RAB3GAP1: variants seen among roughly 807,000 people sequenced by gnomAD.
The protein encoded by RAB3GAP1 is RAB3 GTPase activating protein catalytic subunit 1.
RAB3GAP1 carries 86 observed loss-of-function variants against 130.7 expected under a neutral mutation model. The ratio of observed to expected loss-of-function variants is 0.66; its 90% CI spans 0.55 to 0.79. The LOEUF (loss-of-function observed/expected upper bound fraction) is 0.79. Ranked by LOEUF, RAB3GAP1 falls within the 30% of genes least tolerant of loss-of-function variation. RAB3GAP1 has a pLI of 0.00. For missense variants in RAB3GAP1, 1,029 were observed against 1,169.4 expected, an observed-to-expected ratio of 0.88 and a Z score of 1.75; for synonymous variants, 367 against 401.7, an observed-to-expected ratio of 0.91 and a Z score of 1.03.
chr2:135,162,548 C>G lies in RAB3GAP1; in HGVS notation c.2290-7C>G, dbSNP rs1413349891. The G allele has an allele frequency of 1.2e-6, 2 of 1,608,238 alleles. No individual in the cohort carries two copies. Among genetic ancestry groups the G allele is most frequent in the Non-Finnish European group, 8.5e-7 (1 of 1,175,202 alleles). ...CTGATCATTTGTGTGCGCTGCACCT[C>G]CTTCAGGTGCTGCACTATCTGGCAA... On this transcript the variant is annotated splice_region_variant and splice_polypyrimidine_tract_variant and intron_variant, in intron 19 of 23. Transcript: ENST00000264158.
chr2:135,120,573 A>T (rs1691165963), intron 7 of RAB3GAP1, among the ~76,000 whole-genome samples: 1 of 152,194 alleles, frequency 6.6e-6, no homozygotes, highest in South Asian at 2.1e-4. Context: ...TTCTGTGAAA[A>T]GGATTTCCTA....
intron 8 of RAB3GAP1, among the ~76,000 whole-genome samples, chr2:135,123,831 A>G (rs1691269837): frequency 6.6e-6 from 1 of 152,240 alleles, no homozygotes; most frequent in African/African-American, 2.4e-5. Flanking sequence ...TTTGGGTTAT[A>G]CTAATTACAT....
intron 5 of RAB3GAP1, among the ~76,000 whole-genome samples, chr2:135,108,049 T>C (rs1690684927): frequency 6.8e-6 from 1 of 148,082 alleles, no homozygotes; most frequent in Non-Finnish European, 1.5e-5. Context: ...TATGTGAGAG[T>C]AACAACAAAT....
chr2:135,137,082 C>A, intron 17 of RAB3GAP1: 1 of 262,530 alleles, frequency 3.8e-6, no homozygotes, highest in Non-Finnish European at 7.5e-6. Flanking sequence ...AAAGACAGAC[C>A]CTGTCTCTTA....
At chr2:135,080,073 C>T (rs1689747554) in intron 3 of RAB3GAP1, among the ~76,000 whole-genome samples, 1 of 142,756 alleles carries the variant, frequency 7.0e-6, no homozygotes, top group African/African-American at 2.7e-5. Context: ...GCGGAGATCG[C>T]ACCACAGCAC....
At position 135,115,281 on chromosome 2, in the gene RAB3GAP1, G is replaced by A. The variant is rs1451652301; in HGVS notation, c.548G>A (p.Gly183Asp). The A allele has an allele frequency of 6.2e-7, 1 of 1,613,160 alleles. No individual in the cohort carries two copies. Among genetic ancestry groups the A allele is most frequent in the Non-Finnish European group, 8.5e-7 (1 of 1,179,182 alleles). The change falls in exon 7 of 24, where the codon GGT (glycine) becomes GAT (aspartate). Residue 183 changes from glycine to aspartate, a missense_variant. By Grantham distance (94) the Gly-to-Asp change is moderately conservative. Around this residue, in one of 3 missense-constraint regions of RAB3GAP1, gnomAD observed 510 missense variants for 532.1 expected, o/e 0.96. Transcript: ENST00000264158. ...AGAATGTATGTAGGAGAATGTCAAG[G>A]TCCTGGTGTACGAACTGATTTCGAA... is the stretch of plus-strand genomic sequence containing the variant. Reference protein sequence around the residue: ...WRRMYVGECQGPGVRTDFEMV... With the variant: ...WRRMYVGECQDPGVRTDFEMV...
intron 19 of RAB3GAP1, 104 bp from the exon 20 acceptor site, chr2:135,162,451 T>A: frequency 1.2e-6 from 1 of 857,414 alleles, no homozygotes. Flanking sequence ...AGTGCTGTCT[T>A]GTTAAGGATT....
intron 5 of RAB3GAP1, among the ~76,000 whole-genome samples, chr2:135,099,562 C>T (rs1310773280): frequency 6.6e-6 from 1 of 151,768 alleles, no homozygotes; most frequent in Non-Finnish European, 1.5e-5. Flanking sequence ...TTTCTTTTCT[C>T]CTGCTTTGGT....
At chr2:135,074,848 C>G (rs1239317165) in intron 3 of RAB3GAP1, among the ~76,000 whole-genome samples, 1 of 152,174 alleles carries the variant, frequency 6.6e-6, no homozygotes, top group African/African-American at 2.4e-5. Context: ...GGGCTGTCTA[C>G]TAAGAGGCAG....
At chr2:135,081,524 CT>C (rs781005885) in intron 3 of RAB3GAP1, among the ~76,000 whole-genome samples, 1 of 150,496 alleles carries the variant, frequency 6.6e-6, no homozygotes, top group Non-Finnish European at 1.5e-5. Flanking sequence ...CTTTTGCTGT[CT>C]TTTGGGATTA....
At chr2:135,122,996 T>C (rs185077545) in intron 8 of RAB3GAP1, among the ~76,000 whole-genome samples, 110 of 152,324 alleles carry the variant, frequency 7.2e-4, no homozygotes, top group Non-Finnish European at 6.6e-4. Flanking sequence ...CCCAAAGTGC[T>C]GGAATTACAG....
intron 3 of RAB3GAP1, among the ~76,000 whole-genome samples, chr2:135,076,895 C>A (rs1488669197): frequency 6.6e-6 from 1 of 152,206 alleles, no homozygotes. Context: ...CTTCAAGGTT[C>A]ATTCATGTTG....
chr2:135,132,961 C>A lies in RAB3GAP1; in HGVS notation c.1303C>A (p.Pro435Thr). The A allele has an allele frequency of 1.3e-6, 2 of 1,568,988 alleles. No homozygotes were observed. Among genetic ancestry groups the A allele is most frequent in the African/African-American group, 2.7e-5 (2 of 73,984 alleles). ...DGTTSTDNNN[P>T]PSESEDYNLY... ...AACTACTTCAACAGATAATAATAAT[C>A]CTCCATCAGAGAGTGAAGACTATGT... The change falls in exon 14 of 24, where the codon CCT becomes ACT. Residue 435 changes from proline to threonine, a missense_variant. Pro to Thr is a conservative substitution (Grantham distance 38). Around this residue, in one of 3 missense-constraint regions of RAB3GAP1, gnomAD observed 510 missense variants for 532.1 expected, o/e 0.96. Coordinates refer to ENST00000264158, the MANE Select transcript of RAB3GAP1 (RefSeq NM_012233.3).
intron 9 of RAB3GAP1, among the ~76,000 whole-genome samples, chr2:135,125,573 GTCTC>G (rs1023676451): frequency 6.6e-5 from 10 of 152,172 alleles, no homozygotes; most frequent in African/African-American, 2.4e-4. Context: ...AATGTGATCT[GTCTC>G]TCTCAATATA....
chr2:135,052,419 C>T lies in RAB3GAP1; in HGVS notation c.19-11C>T. On this transcript the variant is annotated splice_polypyrimidine_tract_variant and intron_variant, in intron 1 of 23. Transcript: ENST00000264158. ...GCTTAATTTCTTTTTCTCTCCTTCC[C>T]CTTCCCGCAGCCCGAATCCGAGGTA... is the stretch of plus-strand genomic sequence containing the variant. 3 of 1,614,158 alleles carry T rather than the reference C, an allele frequency of 1.9e-6. No homozygotes were observed. Among genetic ancestry groups the T allele is most frequent in the Non-Finnish European group, 2.5e-6 (3 of 1,180,048 alleles).
chr2:135,077,082 C>A (rs549740367), intron 3 of RAB3GAP1, among the ~76,000 whole-genome samples: 4 of 151,972 alleles, frequency 2.6e-5, no homozygotes, highest in Non-Finnish European at 5.9e-5. Flanking sequence ...CCAGCCTGGC[C>A]AACATGATGA....
intron 22 of RAB3GAP1, among the ~76,000 whole-genome samples, chr2:135,163,895 G>T (rs1692545630): frequency 6.6e-6 from 1 of 152,156 alleles, no homozygotes; most frequent in Non-Finnish European, 1.5e-5. Context: ...TATGTCTTTT[G>T]TTAGGTGAAG....
At chr2:135,176,338 G>C (rs1252187454) in exon 25 of RAB3GAP1, 4 of 151,852 alleles carry the variant, frequency 2.6e-5, no homozygotes, top group Non-Finnish European at 5.9e-5. Context: ...CAGCCAAGAT[G>C]TGGAATCAAC....
chr2:135,106,071 C>G (rs920558084), intron 5 of RAB3GAP1, among the ~76,000 whole-genome samples: 1 of 152,052 alleles, frequency 6.6e-6, no homozygotes, highest in African/African-American at 2.4e-5. Flanking sequence ...AGCGTCTCGG[C>G]CCGGCAGCCG....
Sources: gnomAD v4.1 joint callset for allele counts (sites outside exome capture counted in the v4.1 genomes callset) on GRCh38, gnomAD v4.1.1 for gene constraint, gnomAD v4.1.1 regional missense constraint, MANE v1.5 for transcripts, NCBI Gene and HGNC (gene_info 2026-07-23, HGNC 2026-07-21) for gene names.